ROBO1: variants seen among roughly 807,000 people sequenced by gnomAD.
The protein encoded by ROBO1 is roundabout homolog 1.
A neutral mutation model predicts 195.9 loss-of-function variants in ROBO1; 149 were observed. The ratio of observed to expected loss-of-function variants is 0.76; its 90% CI spans 0.67 to 0.87. The LOEUF is 0.87. ROBO1 is among the 40% of genes least tolerant of loss of function. The pLI, the probability that ROBO1 is intolerant of heterozygous loss-of-function variation, is 0.00. For synonymous variants in ROBO1, 816 were observed against 733.2 expected, an observed-to-expected ratio of 1.11 and a Z score of -1.82; for missense variants, 1,933 against 2,068.3, an observed-to-expected ratio of 0.93 and a Z score of 1.27.
chr3:78,997,142 T>C (rs932102440), intron 3 of ROBO1, among the ~76,000 whole-genome samples: 5 of 152,154 alleles, frequency 3.3e-5, no homozygotes, highest in African/African-American at 4.8e-5. Context: ...AAAATGTGAT[T>C]AGTGCTGGAC....
rs542483648 is a variant in ROBO1, at chr3:78,737,146, A to T, written c.657+9597T>A. Among the ~76,000 whole-genome samples the T allele has an allele frequency of 4.6e-5, 7 of 152,230 alleles. No homozygotes were observed. In the South Asian group the frequency reaches 1.2e-3, roughly 27 times the overall value. On this transcript the variant is annotated intron_variant, in intron 5 of 30. Coordinates refer to ENST00000464233, the MANE Select transcript of ROBO1 (RefSeq NM_002941.4). ...TCTTAATTTCAGTGTTAGTCTAAAC[A>T]CTTTACTTACTCATAATGTTCACCC...
At chr3:79,173,810 C>A (rs1041722717) in intron 2 of ROBO1, among the ~76,000 whole-genome samples, 1 of 152,158 alleles carries the variant, frequency 6.6e-6, no homozygotes, top group Non-Finnish European at 1.5e-5. Context: ...ACTTGGAGAA[C>A]CTTTACGTCT....
chr3:79,578,883 T>C (rs889610002), intron 2 of ROBO1, among the ~76,000 whole-genome samples: 4 of 152,214 alleles, frequency 2.6e-5, no homozygotes, highest in African/African-American at 9.6e-5. Context: ...TTTTTCATTA[T>C]GTTTGCCACG....
intron 2 of ROBO1, among the ~76,000 whole-genome samples, chr3:79,312,538 C>T (rs747247127): frequency 6.6e-6 from 1 of 152,292 alleles, no homozygotes; most frequent in East Asian, 1.9e-4. Context: ...AAGTATATCT[C>T]TCCTTCCAAG....
At chr3:78,680,029 A>G (rs934225681) in intron 10 of ROBO1, among the ~76,000 whole-genome samples, 2 of 152,190 alleles carry the variant, frequency 1.3e-5, no homozygotes, top group South Asian at 2.1e-4. Flanking sequence ...ATAACGCCGC[A>G]TATCTACAAC....
At chr3:78,946,766 T>A (rs2040467989) in intron 3 of ROBO1, among the ~76,000 whole-genome samples, 1 of 152,122 alleles carries the variant, frequency 6.6e-6, no homozygotes, top group Non-Finnish European at 1.5e-5. Context: ...GTGTGCTGTA[T>A]TCAGGAGACC....
At chr3:79,501,847 C>A (rs182889334) in intron 2 of ROBO1, among the ~76,000 whole-genome samples, 1 of 152,136 alleles carries the variant, frequency 6.6e-6, no homozygotes, top group Non-Finnish European at 1.5e-5. Flanking sequence ...TTATGAATAA[C>A]GGCCAGTATC....
At chr3:79,703,618 C>T (rs1430616220) in intron 1 of ROBO1, among the ~76,000 whole-genome samples, 1 of 151,784 alleles carries the variant, frequency 6.6e-6, no homozygotes, top group African/African-American at 2.4e-5. Context: ...TGCCATGTCT[C>T]CATTTTTACT....
At chr3:79,336,958 G>A (rs1459300941) in intron 2 of ROBO1, among the ~76,000 whole-genome samples, 1 of 152,176 alleles carries the variant, frequency 6.6e-6, no homozygotes, top group Non-Finnish European at 1.5e-5. Flanking sequence ...TTTAGTTAAA[G>A]TTTAATGACT....
At chr3:78,693,600 G>A (rs185403345) in intron 8 of ROBO1, among the ~76,000 whole-genome samples, 1 of 152,224 alleles carries the variant, frequency 6.6e-6, no homozygotes, top group Admixed American at 6.5e-5. Context: ...TTAAATGGCA[G>A]AGCTACAATG....
intron 7 of ROBO1, chr3:78,715,174 C>T (rs1395156441): frequency 6.6e-6 from 1 of 152,154 alleles, no homozygotes; most frequent in African/African-American, 2.4e-5. Context: ...CATTTCCTAT[C>T]CCTAATTCAT....
At chr3:78,900,152 A>T (rs968908085) in intron 4 of ROBO1, among the ~76,000 whole-genome samples, 3 of 152,206 alleles carry the variant, frequency 2.0e-5, no homozygotes, top group Non-Finnish European at 4.4e-5. Context: ...GAAAACAAAA[A>T]GTTCAGTTAC....
chr3:78,622,683 T>G (rs1704526309), intron 26 of ROBO1, among the ~76,000 whole-genome samples: 1 of 152,214 alleles, frequency 6.6e-6, no homozygotes, highest in South Asian at 2.1e-4. Context: ...TTGCTTTAAT[T>G]CAATGTGGCA....
intron 5 of ROBO1, among the ~76,000 whole-genome samples, chr3:78,736,366 C>G (rs959167213): frequency 2.9e-4 from 44 of 151,932 alleles, no homozygotes; most frequent in African/African-American, 1.1e-3. Flanking sequence ...ATATATAAAT[C>G]ATAATTTAGA....
rs138998872 is a variant in ROBO1 at position 79,400,562 on chromosome 3, G to A, written c.88+189262C>T. On this transcript the variant is annotated intron_variant, in intron 2 of 30. Coordinates refer to ENST00000464233, the MANE Select transcript of ROBO1 (RefSeq NM_002941.4). ...GGTAATTTTTAATTTTTCTTTTTAC[G>A]TATTGATAATAAGTTAGCTGTCAAG... is the stretch of plus-strand genomic sequence containing the variant. 1.7e-3 allele frequency among the ~76,000 whole-genome samples: 264 copies of A among 151,978 alleles called. 1 individual carries two copies. Among genetic ancestry groups the A allele is most frequent in the African/African-American group, 5.3e-3 (218 of 41,484 alleles).
At chr3:78,994,102 A>G (rs1263654367) in intron 3 of ROBO1, among the ~76,000 whole-genome samples, 1 of 152,182 alleles carries the variant, frequency 6.6e-6, no homozygotes, top group Non-Finnish European at 1.5e-5. Context: ...TAGATATCAG[A>G]CTTTATTTCT....
At chr3:79,731,036 A>C (rs1703128912) in intron 1 of ROBO1, among the ~76,000 whole-genome samples, 1 of 151,936 alleles carries the variant, frequency 6.6e-6, no homozygotes, top group African/African-American at 2.4e-5. Flanking sequence ...CCTATATTTC[A>C]AAGTTGAGCC....
At chr3:78,784,891 T>C in intron 4 of ROBO1, among the ~76,000 whole-genome samples, 1 of 152,312 alleles carries the variant, frequency 6.6e-6, no homozygotes, top group East Asian at 1.9e-4. Flanking sequence ...AATGTGAACA[T>C]GTTCATCTAG....
intron 2 of ROBO1, among the ~76,000 whole-genome samples, chr3:79,545,276 C>G (rs1246784882): frequency 6.6e-6 from 1 of 152,136 alleles, no homozygotes. Flanking sequence ...AAATAAAAGT[C>G]ACGTCCTGAA....
Sources: allele counts gnomAD v4.1 joint callset (sites outside exome capture counted in the v4.1 genomes callset), GRCh38; gene constraint gnomAD v4.1.1; transcripts MANE v1.5; gene names NCBI Gene and HGNC (gene_info 2026-07-23, HGNC 2026-07-21).